The following ALG2 variants were observed in gnomAD, a reference collection of about 807,000 sequenced individuals.
ALG2 encodes the protein alpha-1,3/1,6-mannosyltransferase ALG2.
ALG2 carries 32 observed loss-of-function variants against 30.5 expected under a neutral mutation model. The observed-to-expected ratio is 1.05, with a 90% CI of 0.79 to 1.41. The LOEUF is 1.41. ALG2 is among the 40% of genes most tolerant of loss of function. ALG2 has a pLI of 0.00. For synonymous variants in ALG2, 253 were observed against 224.8 expected, an observed-to-expected ratio of 1.13 and a Z score of -1.12; for missense variants, 574 against 526.4, an observed-to-expected ratio of 1.09 and a Z score of -0.88.
At position 99,217,809 on chromosome 9, in the gene ALG2, T is replaced by C. The variant is rs2118996958; in HGVS notation, c.*125A>G. On this transcript the variant is annotated 3_prime_UTR_variant, in exon 2 of 2. Coordinates refer to ENST00000476832, the MANE Select transcript of ALG2 (RefSeq NM_033087.4). ...TGGTATATAGGAAAGTGGCTCACATTCAAGACTCAAGTTTATTTTTTAAAA... is the reference window on the plus strand; with the variant it reads ...TGGTATATAGGAAAGTGGCTCACATCCAAGACTCAAGTTTATTTTTTAAAA... 9.1e-7 allele frequency: 1 copy of C among 1,097,146 alleles called. No individual in the cohort carries two copies. Among genetic ancestry groups the C allele is most frequent in the Non-Finnish European group, 1.4e-6 (1 of 737,510 alleles). The allele number at this position is 1,097,146 out of a possible 1,614,324, so 68.0% of individuals were successfully genotyped here. A position where few individuals can be genotyped will look rare whatever the true frequency, so the allele number is the denominator to read the frequency against.
rs1441618938 is a variant in ALG2, at chr9:99,217,117, A to G, written c.*817T>C. On this transcript the variant is annotated 3_prime_UTR_variant, in exon 2 of 2. Transcript: ENST00000476832. ...GCATTTGAGCCAGGCCTTGGAAGAT[A>G]AAAAACATTTGTGTCCTATACTTAG... 1 of 454,148 alleles carries G rather than the reference A, an allele frequency of 2.2e-6. No homozygotes were observed. Among genetic ancestry groups the G allele is most frequent in the Non-Finnish European group, 4.4e-6 (1 of 226,794 alleles). 28.1% of individuals were successfully genotyped at this position (454,148 alleles called of 1,614,324 possible). A position where few individuals can be genotyped will look rare whatever the true frequency, so the allele number is the denominator to read the frequency against.
At position 99,216,759 on chromosome 9, in the gene ALG2, A is replaced by G. The variant is rs1828698797; in HGVS notation, c.*1175T>C. 6.6e-6 allele frequency: 3 copies of G among 453,888 alleles called. No homozygotes were observed. The highest frequency in any genetic ancestry group is 1.3e-5 in the Non-Finnish European group (3 of 226,666). The allele number at this position is 453,888 out of a possible 1,614,324, so 28.1% of individuals were successfully genotyped here. On this transcript the variant is annotated 3_prime_UTR_variant, in exon 2 of 2. Coordinates refer to ENST00000476832, the MANE Select transcript of ALG2 (RefSeq NM_033087.4). ...ACTATGAGGAAAGTAGAATAGTACA[A>G]TTATCTCACTTTGCAGATGAAGAAG...
intron 1 of ALG2, among the ~76,000 whole-genome samples, chr9:99,219,901 C>G (rs1380453406): frequency 6.6e-6 from 1 of 152,206 alleles, no homozygotes; most frequent in African/African-American, 2.4e-5. Flanking sequence ...GTCCACGTTA[C>G]TTAAAAAGAA....
In ALG2 at chr9:99,217,926, C is replaced by T. The variant is rs1828721722; in HGVS notation, c.*8G>A. ...ATGACATTAATGGAGATCTTAAAAACAATCTGATTATACCAGCAGTTTGGT... is the reference window on the plus strand; with the variant it reads ...ATGACATTAATGGAGATCTTAAAAATAATCTGATTATACCAGCAGTTTGGT... On this transcript the variant is annotated 3_prime_UTR_variant, in exon 2 of 2. Transcript: ENST00000476832. 5.6e-6 allele frequency: 9 copies of T among 1,614,028 alleles called. No individual in the cohort carries two copies. The East Asian group carries it at 1.8e-4, about 32-fold the overall frequency.
At chr9:99,221,267 G>A in intron 1 of ALG2, 1 of 1,061,582 alleles carries the variant, frequency 9.4e-7, no homozygotes, top group South Asian at 1.7e-5. Context: ...ATCTACCTCG[G>A]AATCACCCTA....
rs558368429 is a variant in ALG2 at position 99,218,876 on chromosome 9, C to T, written c.349-40G>A. ...AATCAACAGCGGATAAAGTGGTCAA[C>T]TCAACTTCAACCAAACCAAAAACAC... On this transcript the variant is annotated intron_variant, in intron 1 of 1. Transcript: ENST00000476832. The T allele has an allele frequency of 1.3e-4, 204 of 1,598,782 alleles. 1 individual carries two copies. The South Asian group carries it at 1.9e-3, about 15-fold the overall frequency.
At chr9:99,221,268 A>C (rs1325100218) in intron 1 of ALG2, 14 of 1,060,098 alleles carry the variant, frequency 1.3e-5, no homozygotes, top group Non-Finnish European at 1.8e-5. Flanking sequence ...TCTACCTCGG[A>C]ATCACCCTAT....
At position 99,216,956 on chromosome 9, in the gene ALG2, C is replaced by A. The variant is rs1415662461; in HGVS notation, c.*978G>T. 6.6e-6 allele frequency: 3 copies of A among 454,064 alleles called. No individual in the cohort carries two copies. In the East Asian group the frequency reaches 2.1e-4, roughly 32 times the overall value. The allele number at this position is 454,064 out of a possible 1,614,324, so 28.1% of individuals were successfully genotyped here. Reference sequence around the variant, plus strand: ...CTACTGTTTATGATTTGCTGTTAGACCAACAGGTAAACAGTGAACTATAAG... The same window carrying A: ...CTACTGTTTATGATTTGCTGTTAGAACAACAGGTAAACAGTGAACTATAAG... On this transcript the variant is annotated 3_prime_UTR_variant, in exon 2 of 2. Coordinates refer to ENST00000476832, the MANE Select transcript of ALG2 (RefSeq NM_033087.4).
chr9:99,220,708 A>C (rs543882620), intron 1 of ALG2, among the ~76,000 whole-genome samples: 1 of 152,334 alleles, frequency 6.6e-6, no homozygotes, highest in South Asian at 2.1e-4. Context: ...CATAATACCA[A>C]TTATGTACCA....
chr9:99,218,827 A>C lies in ALG2; in HGVS notation c.358T>G (p.Cys120Gly). 6 of 1,604,030 alleles carry C rather than the reference A, an allele frequency of 3.7e-6. No homozygotes were observed. The highest frequency in any genetic ancestry group is 5.1e-6 in the Non-Finnish European group (6 of 1,179,964). The change falls in exon 2 of 2, where the codon TGT (cysteine) becomes GGT (glycine). Residue 120 changes from cysteine to glycine, a missense_variant. Physicochemically the swap from Cys to Gly is radical, Grantham distance 159. Transcript: ENST00000476832. ...CTAGCCAGCCTGAACACTGGGATAC[A>C]GGCAGACACCTAGCCAAAGCAAAAA... ...DVVVCDQVSA[C>G]IPVFRLARRR...
At chr9:99,220,457 G>A (rs1004705425) in intron 1 of ALG2, among the ~76,000 whole-genome samples, 4 of 152,154 alleles carry the variant, frequency 2.6e-5, no homozygotes, top group African/African-American at 9.7e-5. Flanking sequence ...CGGATCGCGA[G>A]GTCAGGAGTT....
chr9:99,218,948 G>C, intron 1 of ALG2, 112 bp from the exon 2 acceptor site: 1 of 1,125,548 alleles, frequency 8.9e-7, no homozygotes, highest in Admixed American at 1.9e-5. Flanking sequence ...CATGGGCAAT[G>C]TCTGATTCTG....
chr9:99,216,599 T>A lies in ALG2; in HGVS notation c.*1335A>T, dbSNP rs562004509. 4.4e-6 allele frequency: 2 copies of A among 454,024 alleles called. No homozygotes were observed. Among genetic ancestry groups the A allele is most frequent in the Admixed American group, 4.7e-5 (2 of 42,564 alleles). 28.1% of individuals were successfully genotyped at this position (454,024 alleles called of 1,614,324 possible). A position where few individuals can be genotyped will look rare whatever the true frequency, so the allele number is the denominator to read the frequency against. ...ATTGAAGAGCCCCAAAAGAACAATATGGTAGTGCAGCATGAACTAACATGC... is the reference window on the plus strand; with the variant it reads ...ATTGAAGAGCCCCAAAAGAACAATAAGGTAGTGCAGCATGAACTAACATGC... On this transcript the variant is annotated 3_prime_UTR_variant, in exon 2 of 2. Coordinates refer to ENST00000476832, the MANE Select transcript of ALG2 (RefSeq NM_033087.4).
Position 99,221,847 on chromosome 9 carries a change from C to G in ALG2, c.48G>C (p.Ser16=), listed in dbSNP as rs199752563. 1.4e-5 allele frequency: 23 copies of G among 1,594,512 alleles called. No individual in the cohort carries two copies. The East Asian group carries it at 2.0e-4, about 14-fold the overall frequency. Residue 16 remains serine (S), a synonymous_variant, in exon 1 of 2, where the codon TCG becomes TCC. Transcript: ENST00000476832. ...CCAGGTCTGGGTGGAGGAACAGCAC[C>G]GACGGCTTGGGAACCGAGTCCCGTT... ...GRERDSVPKP[S]VLFLHPDLGV... is the part of the protein sequence containing the mutation.
In ALG2 at chr9:99,221,855, T is replaced by G; in HGVS notation, c.40A>C (p.Lys14Gln). The change falls in exon 1 of 2, where the codon AAG becomes CAG. Residue 14 changes from lysine to glutamine, a missense_variant. Transcript: ENST00000476832. ...GGGTGGAGGAACAGCACCGACGGCT[T>G]GGGAACCGAGTCCCGTTCCCGGCCC... The part of the protein sequence containing the change: ...EQGRERDSVP[K>Q]PSVLFLHPDL... The G allele has an allele frequency of 6.3e-7, 1 of 1,593,428 alleles. No homozygotes were observed. The highest frequency in any genetic ancestry group is 2.2e-5 in the East Asian group (1 of 44,724).
chr9:99,221,479 G>A lies in ALG2; in HGVS notation c.348+68C>T, dbSNP rs991607695. 13 of 1,476,472 alleles carry A rather than the reference G, an allele frequency of 8.8e-6. No individual in the cohort carries two copies. In the Admixed American group the frequency reaches 2.4e-4, roughly 27 times the overall value. 91.5% of individuals were successfully genotyped at this position (1,476,472 alleles called of 1,614,324 possible). ...CAGACAGGGAAGGTCTTCTCTCAGGGGTCATGCCCGCGGCCGCCCTCCACG... is the reference window on the plus strand; with the variant it reads ...CAGACAGGGAAGGTCTTCTCTCAGGAGTCATGCCCGCGGCCGCCCTCCACG... On this transcript the variant is annotated intron_variant, in intron 1 of 1. Coordinates refer to ENST00000476832, the MANE Select transcript of ALG2 (RefSeq NM_033087.4).
Position 99,216,892 on chromosome 9 carries a change from C to T in ALG2, c.*1042G>A, listed in dbSNP as rs1319481512. On this transcript the variant is annotated 3_prime_UTR_variant, in exon 2 of 2. Transcript: ENST00000476832. ...AGCCTTTGGCTAGTAAGCTTTGCTA[C>T]TTCTGGAAATGAATTTAGCCTTAGA... 14 of 454,002 alleles carry T rather than the reference C, an allele frequency of 3.1e-5. No individual in the cohort carries two copies. Among genetic ancestry groups the T allele is most frequent in the African/African-American group, 6.0e-5 (3 of 50,000 alleles). 28.1% of individuals were successfully genotyped at this position (454,002 alleles called of 1,614,324 possible).
At position 99,218,556 on chromosome 9, in the gene ALG2, G is replaced by C. The variant is rs139547697; in HGVS notation, c.629C>G (p.Ser210Ter). 1.9e-6 allele frequency: 3 copies of C among 1,614,084 alleles called. No homozygotes were observed. Among genetic ancestry groups the C allele is most frequent in the African/African-American group, 2.7e-5 (2 of 74,914 alleles). Residue 210 changes from serine (S) to a stop codon, truncating the protein, a stop_gained, in exon 2 of 2, where the codon TCA becomes TGA. Coordinates refer to ENST00000476832, the MANE Select transcript of ALG2 (RefSeq NM_033087.4). LOFTEE classifies it high-confidence loss of function. ...YPSLNVTSFDSVVPEKLDDLV... is the reference protein window; with the variant it reads ...YPSLNVTSFD The stretch of plus-strand genomic sequence containing the variant: ...GTCATCCAGCTTTTCAGGAACAACT[G>C]AGTCAAAGCTGGTGACATTTAGAGA...
At position 99,221,705 on chromosome 9, in the gene ALG2, G is replaced by A. The variant is rs760018422; in HGVS notation, c.190C>T (p.Arg64Cys). 1.3e-6 allele frequency: 2 copies of A among 1,590,356 alleles called. No homozygotes were observed. Among genetic ancestry groups the A allele is most frequent in the South Asian group, 1.1e-5 (1 of 89,648 alleles). Residue 64 changes from arginine (R) to cysteine (C), a missense_variant, in exon 1 of 2, where the codon CGC becomes TGC. Physicochemically the swap from Arg to Cys is radical, Grantham distance 180. Coordinates refer to ENST00000476832, the MANE Select transcript of ALG2 (RefSeq NM_033087.4). The stretch of plus-strand genomic sequence containing the variant: ...CCGGCACAGCGCACCGGTAGCTCGC[G>A]GCTCTCGGCGAAACAGTGGCCCGGG... ...YDPGHCFAESRELPVRCAGDW... is the reference protein window; with the variant it reads ...YDPGHCFAESCELPVRCAGDW...
Sources: allele counts gnomAD v4.1 joint callset (sites outside exome capture counted in the v4.1 genomes callset), GRCh38; gene constraint gnomAD v4.1.1; transcripts MANE v1.5; gene names NCBI Gene and HGNC (gene_info 2026-07-23, HGNC 2026-07-21).